Variants in VWA8 observed in about 807,000 individuals in gnomAD.
VWA8 encodes von Willebrand factor A domain containing 8, also known as von Willebrand factor A domain-containing protein 8.
Under a neutral mutation model 241.5 loss-of-function variants are expected in VWA8, and 221 were observed. That is an observed-to-expected ratio of 0.91 (90% confidence interval 0.82 to 1.02). The LOEUF (loss-of-function observed/expected upper bound fraction) is 1.02. Ranked by LOEUF, VWA8 falls within the 50% of genes least tolerant of loss-of-function variation. VWA8 has a pLI of 0.00. For missense variants in VWA8, 2,322 were observed against 2,328.7 expected (o/e 1.00, Z 0.06); for synonymous variants, 852 against 827.1 (o/e 1.03, Z -0.52).
intron 40 of VWA8, among the ~76,000 whole-genome samples, chr13:41,594,128 T>G (rs1348625376): frequency 2.6e-5 from 4 of 151,646 alleles, no homozygotes; most frequent in Admixed American, 2.6e-4. Flanking sequence ...ATTTTTGTTT[T>G]TTTTTTTTTG....
At chr13:41,926,484 T>C in intron 2 of VWA8, 1 of 528,634 alleles carries the variant, frequency 1.9e-6, no homozygotes, top group Non-Finnish European at 3.8e-6. Flanking sequence ...GCTCCGGAAC[T>C]CTATCATAAG....
Position 41,671,137 on chromosome 13 carries a change from G to A in VWA8, c.4420C>T (p.Leu1474Phe). 1.2e-6 allele frequency: 2 copies of A among 1,613,750 alleles called. No individual in the cohort carries two copies. Among genetic ancestry groups the A allele is most frequent in the East Asian group, 2.2e-5 (1 of 44,876 alleles). Residue 1474 changes from leucine to phenylalanine, a missense_variant, in exon 37 of 45, where the codon CTC becomes TTC. Coordinates refer to ENST00000379310, the MANE Select transcript of VWA8 (RefSeq NM_015058.2). ...GACAGCCATGTGGTATACGGCGAGA[G>A]AGATTCTGATCTGGAAAAAGGAATC... ...RYIPIPRSESLSPYTTWLSTI... is the reference protein window; with the variant it reads ...RYIPIPRSESFSPYTTWLSTI...
At chr13:41,642,580 A>G (rs575762609) in intron 37 of VWA8, among the ~76,000 whole-genome samples, 7 of 150,522 alleles carry the variant, frequency 4.7e-5, no homozygotes, top group African/African-American at 1.7e-4. Context: ...AAAAAAAAAG[A>G]AAAAAAGAAA....
chr13:41,947,947 A>AT (rs1877932154), intron 2 of VWA8, among the ~76,000 whole-genome samples: 1 of 148,956 alleles, frequency 6.7e-6, no homozygotes, highest in African/African-American at 2.5e-5. Context: ...AAAAAAAAAA[A>AT]AAAAAACAAA....
chr13:41,754,968 A>G (rs911410089), intron 21 of VWA8, among the ~76,000 whole-genome samples: 1 of 151,988 alleles, frequency 6.6e-6, no homozygotes, highest in African/African-American at 2.4e-5. Flanking sequence ...ATAGTACTCT[A>G]TTGTGTATAT....
intron 21 of VWA8, among the ~76,000 whole-genome samples, chr13:41,744,204 T>C (rs2045587850): frequency 6.6e-6 from 1 of 152,230 alleles, no homozygotes; most frequent in East Asian, 1.9e-4. Flanking sequence ...TCACTGGCCT[T>C]ATCCTGAGTC....
intron 21 of VWA8, among the ~76,000 whole-genome samples, chr13:41,747,612 C>T (rs1427494160): frequency 1.3e-5 from 2 of 152,124 alleles, no homozygotes; most frequent in Non-Finnish European, 2.9e-5. Context: ...CCTGATTGCC[C>T]TGGCCAGAAC....
intron 24 of VWA8, among the ~76,000 whole-genome samples, chr13:41,726,582 C>A (rs991082416): frequency 6.6e-6 from 1 of 152,036 alleles, no homozygotes; most frequent in Non-Finnish European, 1.5e-5. Flanking sequence ...GTGTTTTATT[C>A]CAAGAGGTCC....
chr13:41,769,779 T>G (rs959866256), intron 20 of VWA8, among the ~76,000 whole-genome samples: 2 of 152,186 alleles, frequency 1.3e-5, no homozygotes, highest in Admixed American at 1.3e-4. Flanking sequence ...ATAAAAATTT[T>G]TACCTCAAAA....
chr13:41,923,385 G>A (rs529963738), intron 2 of VWA8, among the ~76,000 whole-genome samples: 1 of 152,214 alleles, frequency 6.6e-6, no homozygotes, highest in South Asian at 2.1e-4. Context: ...GTATACATAT[G>A]TAACTAACCT....
intron 37 of VWA8, among the ~76,000 whole-genome samples, chr13:41,668,054 T>C (rs1203416340): frequency 6.6e-6 from 1 of 152,154 alleles, no homozygotes; most frequent in African/African-American, 2.4e-5. Context: ...AGCTAATAAC[T>C]CCAGAAGGCT....
chr13:41,901,788 C>A, intron 4 of VWA8, among the ~76,000 whole-genome samples: 1 of 143,876 alleles, frequency 7.0e-6, no homozygotes, highest in East Asian at 2.1e-4. Flanking sequence ...ATTGCTTGTA[C>A]CCAGGAGGCA....
At chr13:41,639,297 A>T (rs1487953482) in intron 37 of VWA8, among the ~76,000 whole-genome samples, 1 of 152,250 alleles carries the variant, frequency 6.6e-6, no homozygotes, top group Non-Finnish European at 1.5e-5. Context: ...AGGCTAAATC[A>T]GTGAAACCTA....
intron 2 of VWA8, chr13:41,927,139 C>A: frequency 2.4e-6 from 1 of 421,314 alleles, no homozygotes; most frequent in South Asian, 2.0e-5. Context: ...AAGCCAAGGC[C>A]ACAGGTGATG....
At chr13:41,673,057 G>A (rs1420203369) in intron 36 of VWA8, among the ~76,000 whole-genome samples, 2 of 151,942 alleles carry the variant, frequency 1.3e-5, no homozygotes, top group African/African-American at 4.8e-5. Flanking sequence ...ACTACAATTT[G>A]CACACTAGGT....
chr13:41,780,127 G>T (rs1868820143), intron 19 of VWA8, among the ~76,000 whole-genome samples: 1 of 152,152 alleles, frequency 6.6e-6, no homozygotes, highest in African/African-American at 2.4e-5. Context: ...GGGGCAGGTT[G>T]TGACTATCTG....
At chr13:41,701,292 C>A in intron 28 of VWA8, 100 bp downstream of exon 28, 1 of 1,344,682 alleles carries the variant, frequency 7.4e-7, no homozygotes, top group Non-Finnish European at 9.9e-7. Context: ...TGACAGACAC[C>A]AAGTCTATCA....
At chr13:41,678,753 T>A (rs1328920660) in intron 35 of VWA8, among the ~76,000 whole-genome samples, 1 of 152,212 alleles carries the variant, frequency 6.6e-6, no homozygotes, top group African/African-American at 2.4e-5. Flanking sequence ...AATGCAATAA[T>A]GACAGTGTCT....
chr13:41,845,822 G>T (rs1014683212), intron 12 of VWA8, among the ~76,000 whole-genome samples: 1 of 152,104 alleles, frequency 6.6e-6, no homozygotes, highest in Admixed American at 6.6e-5. Flanking sequence ...AGACAATGGG[G>T]ACTACTGAGT....
Sources: allele counts gnomAD v4.1 joint callset (sites outside exome capture counted in the v4.1 genomes callset), GRCh38; gene constraint gnomAD v4.1.1; transcripts MANE v1.5; gene names NCBI Gene and HGNC (gene_info 2026-07-23, HGNC 2026-07-21).